Variants in HMGCL observed in about 807,000 individuals in gnomAD.
HMGCL encodes the protein hydroxymethylglutaryl-CoA lyase, mitochondrial.
In HMGCL, 26 loss-of-function variants were observed where a neutral mutation model predicts 37.3. The ratio of observed to expected loss-of-function variants is 0.70; its 90% confidence interval spans 0.51 to 0.97. HMGCL has a LOEUF of 0.97. HMGCL is among the 50% of genes least tolerant of loss of function. The pLI is 0.00. For missense variants in HMGCL, 379 were observed against 398.1 expected (o/e 0.95, Z 0.41); for synonymous variants, 151 against 148.0 (o/e 1.02, Z -0.15).
At chr1:23,817,986 T>C (rs1356508989) in intron 2 of HMGCL, among the ~76,000 whole-genome samples, 2 of 152,220 alleles carry the variant, frequency 1.3e-5, no homozygotes, top group Non-Finnish European at 2.9e-5. Flanking sequence ...ACAGATTCCA[T>C]GGATTCCTCT....
At chr1:23,804,565 G>A (rs764971498) in intron 7 of HMGCL, 40 bp from the exon 8 acceptor site, 2 of 1,612,410 alleles carry the variant, frequency 1.2e-6, no homozygotes, top group East Asian at 4.5e-5. Flanking sequence ...TGTTGCTGGG[G>A]ACAAGAGGCC....
chr1:23,821,439 T>A (rs1399400078), intron 1 of HMGCL, among the ~76,000 whole-genome samples: 1 of 152,140 alleles, frequency 6.6e-6, no homozygotes, highest in Non-Finnish European at 1.5e-5. Flanking sequence ...GCAGATCACT[T>A]GAGGCCAGAG....
intron 1 of HMGCL, among the ~76,000 whole-genome samples, chr1:23,825,058 G>A (rs1050526995): frequency 6.6e-5 from 10 of 152,208 alleles, no homozygotes; most frequent in African/African-American, 2.2e-4. Context: ...CAATTAGAGG[G>A]AGAAAGGGGC....
chr1:23,806,101 G>A lies in HMGCL; in HGVS notation c.751-1576C>T, dbSNP rs1638404925. ...CAAATAGCTGGGATTACAGGCTCAC[G>A]CCACCACGCCCAGCTAATTTTTATA... On this transcript the variant is annotated intron_variant, in intron 7 of 8. Transcript: ENST00000374490. This position sits in a 1 kb window ranked among gnomAD's most constrained non-coding sequence, Gnocchi z 4.0. Among the ~76,000 whole-genome samples, 1 of 152,074 alleles carries A rather than the reference G, an allele frequency of 6.6e-6. No homozygotes were observed. The highest frequency in any genetic ancestry group is 2.4e-5 in the African/African-American group (1 of 41,378).
Position 23,802,178 on chromosome 1 carries a change from G to A in HMGCL, c.*285C>T, listed in dbSNP as rs1638290122. The A allele has an allele frequency of 1.7e-6, 1 of 594,592 alleles. No individual in the cohort carries two copies. Among genetic ancestry groups the A allele is most frequent in the African/African-American group, 1.9e-5 (1 of 53,808 alleles). The allele number at this position is 594,592 out of a possible 1,614,324, so 36.8% of individuals were successfully genotyped here. A position where few individuals can be genotyped will look rare whatever the true frequency, so the allele number is the denominator to read the frequency against. On this transcript the variant is annotated 3_prime_UTR_variant, in exon 9 of 9. Transcript: ENST00000374490. ...AGGATCATGCTAAGTAGGGAACGGG[G>A]TTCCCACACGTCCTCAGGCATTCAA...
chr1:23,814,932 G>C (rs1198787116), intron 4 of HMGCL, among the ~76,000 whole-genome samples: 1 of 152,112 alleles, frequency 6.6e-6, no homozygotes, highest in Non-Finnish European at 1.5e-5. Flanking sequence ...GGCCAGCCGG[G>C]CGCAGTGGCT....
At chr1:23,815,494 TTTTTC>T (rs1216569323) in intron 4 of HMGCL, among the ~76,000 whole-genome samples, 56 of 151,926 alleles carry the variant, frequency 3.7e-4, no homozygotes, top group African/African-American at 1.2e-3. Flanking sequence ...TTTCTTTTTT[TTTTTC>T]TTTTTTCTTT....
chr1:23,811,561 C>T (rs1638520674), intron 5 of HMGCL, among the ~76,000 whole-genome samples: 1 of 152,110 alleles, frequency 6.6e-6, no homozygotes, highest in Non-Finnish European at 1.5e-5. Flanking sequence ...GATGCTGGAG[C>T]CGAGAGGAGC....
intron 2 of HMGCL, among the ~76,000 whole-genome samples, chr1:23,819,654 GGGA>G (rs1437925348): frequency 6.6e-6 from 1 of 152,152 alleles, no homozygotes; most frequent in Non-Finnish European, 1.5e-5. Flanking sequence ...ACTTGAACCC[GGGA>G]GGAGGAGGTT....
intron 4 of HMGCL, chr1:23,816,233 G>C (rs1638611542): frequency 3.7e-6 from 1 of 270,032 alleles, no homozygotes; most frequent in Non-Finnish European, 7.2e-6. Context: ...CCAAAAAAAG[G>C]TTTTTGCCTA....
intron 1 of HMGCL, 149 bp downstream of exon 1, chr1:23,825,207 G>T (rs1638794281): frequency 1.5e-6 from 1 of 672,606 alleles, no homozygotes. Context: ...AGGGGAAAAG[G>T]GAGGGTCCAG....
chr1:23,811,536 T>C (rs1380719875), intron 5 of HMGCL, among the ~76,000 whole-genome samples: 1 of 152,056 alleles, frequency 6.6e-6, no homozygotes, highest in Admixed American at 6.6e-5. Context: ...CCAGGAAAGA[T>C]CCCTCTGAGG....
At chr1:23,815,833 A>G (rs1638602184) in intron 4 of HMGCL, among the ~76,000 whole-genome samples, 1 of 151,582 alleles carries the variant, frequency 6.6e-6, no homozygotes, top group African/African-American at 2.4e-5. Context: ...AAACAAACAC[A>G]GTAATTTCTC....
At chr1:23,816,792 G>C in intron 3 of HMGCL, 22 bp from the exon 4 acceptor site, 1 of 1,417,494 alleles carries the variant, frequency 7.1e-7, no homozygotes, top group Non-Finnish European at 1.0e-6. Context: ...GGGAGACATT[G>C]CCAAGTCATC....
At chr1:23,815,376 A>G (rs752655585) in intron 4 of HMGCL, among the ~76,000 whole-genome samples, 4 of 152,104 alleles carry the variant, frequency 2.6e-5, no homozygotes, top group Non-Finnish European at 2.9e-5. Context: ...ATTCTCCCAG[A>G]GGCCTCAGAA....
intron 8 of HMGCL, chr1:23,804,137 G>T (rs545758608): frequency 1.9e-5 from 10 of 527,070 alleles, no homozygotes; most frequent in Non-Finnish European, 3.1e-5. Flanking sequence ...AAGAGATAGG[G>T]TCTTGCTGTT....
chr1:23,816,793 C>A, intron 3 of HMGCL, 23 bp from the exon 4 acceptor site: 1 of 1,389,564 alleles, frequency 7.2e-7, no homozygotes, highest in Non-Finnish European at 1.0e-6. Context: ...GGAGACATTG[C>A]CAAGTCATCA....
chr1:23,810,405 T>C (rs551967702), intron 6 of HMGCL: 26 of 373,496 alleles, frequency 7.0e-5, no homozygotes, highest in Non-Finnish European at 1.1e-4. Context: ...ATCAGGGTTG[T>C]GGCCTTTCAA....
At chr1:23,819,347 C>T (rs576938603) in intron 2 of HMGCL, among the ~76,000 whole-genome samples, 45 of 152,324 alleles carry the variant, frequency 3.0e-4, no homozygotes, top group African/African-American at 1.0e-3. Context: ...ATATTTCCAT[C>T]TTCACAGAAA....
Sources: gnomAD v4.1 joint callset for allele counts (sites outside exome capture counted in the v4.1 genomes callset) on GRCh38, gnomAD v4.1.1 for gene constraint, Gnocchi (gnomAD v3.1) non-coding constraint, MANE v1.5 for transcripts, NCBI Gene and HGNC (gene_info 2026-07-23, HGNC 2026-07-21) for gene names.